The following RGSL1 variants were observed in gnomAD, a reference collection of about 807,000 sequenced individuals.
The protein encoded by RGSL1 is regulator of G protein signaling like 1, also known as regulator of G protein signaling protein-like.
Under a neutral mutation model 124.7 loss-of-function variants are expected in RGSL1, and 97 were observed. The ratio of observed to expected loss-of-function variants is 0.78; its 90% confidence interval spans 0.66 to 0.92. The LOEUF is 0.92. RGSL1 is among the 40% of genes least tolerant of loss of function. The pLI, the probability that RGSL1 is intolerant of heterozygous loss-of-function variation, is 0.00. For missense variants in RGSL1, 1,233 were observed against 1,288.4 expected (o/e 0.96, Z 0.66); for synonymous variants, 424 against 438.1 (o/e 0.97, Z 0.40).
Position 182,527,765 on chromosome 1 carries a change from C to G in RGSL1, c.2118C>G (p.Leu706=). The stretch of plus-strand genomic sequence containing the variant: ...TCAAGACTTTCTTCCAAGGCCAACT[C>G]TCTCCTGGTATGCATCCTCTTCTGA... ...NVIKTFFQGQ[L]SPEEMLQCDA... The change falls in exon 11 of 22, where the codon CTC becomes CTG. Residue 706 remains leucine, a synonymous_variant. Coordinates refer to ENST00000294854, the MANE Select transcript of RGSL1 (RefSeq NM_001137669.2). 6.5e-7 allele frequency: 1 copy of G among 1,549,540 alleles called. No individual in the cohort carries two copies. The highest frequency in any genetic ancestry group is 8.7e-7 in the Non-Finnish European group (1 of 1,145,630).
chr1:182,556,748 A>T (rs549326539), intron 21 of RGSL1, among the ~76,000 whole-genome samples: 1 of 152,306 alleles, frequency 6.6e-6, no homozygotes, highest in Admixed American at 6.5e-5. Flanking sequence ...GGATAAAAAA[A>T]CTTTAAGGTT....
At chr1:182,543,148 T>A (rs1659993495) in intron 15 of RGSL1, among the ~76,000 whole-genome samples, 1 of 152,168 alleles carries the variant, frequency 6.6e-6, no homozygotes, top group Non-Finnish European at 1.5e-5. Flanking sequence ...AGGAAAAACT[T>A]TCAATTTTTC....
chr1:182,523,708 A>G (rs1007749509), intron 10 of RGSL1, among the ~76,000 whole-genome samples: 1 of 152,184 alleles, frequency 6.6e-6, no homozygotes, highest in Admixed American at 6.5e-5. Context: ...CCCTTATTCA[A>G]TAAGTAAATG....
At chr1:182,503,445 C>T (rs554347413) in intron 9 of RGSL1, among the ~76,000 whole-genome samples, 1 of 152,176 alleles carries the variant, frequency 6.6e-6, no homozygotes, top group East Asian at 1.9e-4. Context: ...AACTGGAGGT[C>T]ATTATGTTAA....
rs1307164952 is a variant in RGSL1, at chr1:182,488,979, GAC to G, written c.1498_1499del (p.Gln500GlufsTer10). The G allele has an allele frequency of 6.5e-7, 1 of 1,549,478 alleles. No individual in the cohort carries two copies. The highest frequency in any genetic ancestry group is 1.2e-5 in the South Asian group (1 of 83,890). Reference protein sequence around the residue: ...EEDYWFLLFTTQNRFISSRQH... With the variant: ...EEDYWFLLFTXQNRFISSRQH... ...ATCTTCCCCTCACCCTCTTCTCTTA[GAC>G]ACAGAACAGGTTCATCAGCTCCAGA... is the stretch of plus-strand genomic sequence containing the variant. On this transcript the variant is annotated frameshift_variant and splice_region_variant, in exon 8 of 22. Transcript: ENST00000294854. LOFTEE classifies it high-confidence loss of function.
At position 182,522,007 on chromosome 1, in the gene RGSL1, T is replaced by C; in HGVS notation, c.1829T>C (p.Phe610Ser). 1 of 1,533,294 alleles carries C rather than the reference T, an allele frequency of 6.5e-7. No homozygotes were observed. The highest frequency in any genetic ancestry group is 8.8e-7 in the Non-Finnish European group (1 of 1,139,372). The allele number at this position is 1,533,294 out of a possible 1,614,324, so 95.0% of individuals were successfully genotyped here. Residue 610 changes from phenylalanine to serine, a missense_variant, in exon 10 of 22, where the codon TTT becomes TCT. By Grantham distance (155) the Phe-to-Ser change is radical. Transcript: ENST00000294854. ...IYCEKAPKID[F>S]KMEIIKETKT... ...AACTTAGTGATTTTTTTTTTAGATTTTAAAATGGAAATTATCAAGGAAACA... is the reference window on the plus strand; with the variant it reads ...AACTTAGTGATTTTTTTTTTAGATTCTAAAATGGAAATTATCAAGGAAACA...
In RGSL1 at chr1:182,527,752, T is replaced by C. The variant is rs1658860889; in HGVS notation, c.2105T>C (p.Phe702Ser). 1 of 1,550,502 alleles carries C rather than the reference T, an allele frequency of 6.4e-7. No individual in the cohort carries two copies. The highest frequency in any genetic ancestry group is 1.2e-5 in the South Asian group (1 of 83,918). ...ATAGAAAATGTAATCAAGACTTTCTTCCAAGGCCAACTCTCTCCTGGTATG... is the reference window on the plus strand; with the variant it reads ...ATAGAAAATGTAATCAAGACTTTCTCCCAAGGCCAACTCTCTCCTGGTATG... ...SLIENVIKTFFQGQLSPEEML... is the reference protein window; with the variant it reads ...SLIENVIKTFSQGQLSPEEML... The change falls in exon 11 of 22, where the codon TTC (phenylalanine) becomes TCC (serine). Residue 702 changes from phenylalanine to serine, a missense_variant. Physicochemically the swap from Phe to Ser is radical, Grantham distance 155. Coordinates refer to ENST00000294854, the MANE Select transcript of RGSL1 (RefSeq NM_001137669.2).
At chr1:182,550,402 G>T (rs1660485388) in intron 17 of RGSL1, 2 of 152,192 alleles carry the variant, frequency 1.3e-5, no homozygotes, top group Admixed American at 6.6e-5. Context: ...GAGGGGAGGA[G>T]GGCAGCAGGC....
At chr1:182,489,687 G>A (rs1271000270) in intron 8 of RGSL1, among the ~76,000 whole-genome samples, 4 of 152,228 alleles carry the variant, frequency 2.6e-5, no homozygotes, top group African/African-American at 7.2e-5. Context: ...AGGAGCAAAA[G>A]GCTTTGCTGT....
chr1:182,481,660 G>A (rs180727656), intron 6 of RGSL1, among the ~76,000 whole-genome samples: 3 of 152,250 alleles, frequency 2.0e-5, no homozygotes, highest in Non-Finnish European at 1.5e-5. Context: ...CAATATCCCT[G>A]AGGAAAACAG....
intron 17 of RGSL1, 133 bp from the exon 18 acceptor site, chr1:182,550,967 G>A: frequency 1.6e-6 from 1 of 642,738 alleles, no homozygotes; most frequent in Non-Finnish European, 2.8e-6. Flanking sequence ...CCCAAGGCCA[G>A]GATGCTTTCC....
At position 182,474,531 on chromosome 1, in the gene RGSL1, G is replaced by A. The variant is rs866264383; in HGVS notation, c.1420G>A (p.Glu474Lys). 1 of 1,542,806 alleles carries A rather than the reference G, an allele frequency of 6.5e-7. No homozygotes were observed. Among genetic ancestry groups the A allele is most frequent in the Non-Finnish European group, 8.8e-7 (1 of 1,141,058 alleles). Residue 474 changes from glutamate to lysine, a missense_variant, in exon 6 of 22, where the codon GAG (glutamate) becomes AAG (lysine). Physicochemically the swap from Glu to Lys is moderately conservative, Grantham distance 56. Transcript: ENST00000294854. Reference protein sequence around the residue: ...VIPWIPKAQKEICKMLSPWYD... With the variant: ...VIPWIPKAQKKICKMLSPWYD... ...CCCCTGGATTCCCAAAGCCCAGAAG[G>A]AGATTTGCAAGGTAGGCCATGCCTC...
At chr1:182,537,037 T>C (rs1311058766) in intron 14 of RGSL1, among the ~76,000 whole-genome samples, 1 of 152,232 alleles carries the variant, frequency 6.6e-6, no homozygotes, top group Non-Finnish European at 1.5e-5. Flanking sequence ...GAATTCTTTA[T>C]ATAATCTGGA....
chr1:182,515,704 C>G (rs960131255), intron 9 of RGSL1, among the ~76,000 whole-genome samples: 1 of 152,222 alleles, frequency 6.6e-6, no homozygotes, highest in African/African-American at 2.4e-5. Flanking sequence ...ACAGGAGGCA[C>G]TGGCCAGCTG....
intron 13 of RGSL1, among the ~76,000 whole-genome samples, chr1:182,531,492 C>T (rs1405702013): frequency 6.6e-6 from 1 of 152,142 alleles, no homozygotes; most frequent in Non-Finnish European, 1.5e-5. Flanking sequence ...TAGAGATTCA[C>T]TTGTTTTAGA....
chr1:182,521,921 A>G, intron 9 of RGSL1, 83 bp from the exon 10 acceptor site: 1 of 918,878 alleles, frequency 1.1e-6, no homozygotes, highest in Non-Finnish European at 1.7e-6. Flanking sequence ...CATGAACTTT[A>G]TGTCTGAAAA....
intron 1 of RGSL1, 143 bp from the exon 2 acceptor site, chr1:182,453,815 G>T: frequency 1.7e-6 from 1 of 596,894 alleles, no homozygotes. Context: ...AGAAGGACAT[G>T]CAAATTGAAT....
chr1:182,552,494 A>C (rs1427853953), intron 18 of RGSL1, among the ~76,000 whole-genome samples: 1 of 152,154 alleles, frequency 6.6e-6, no homozygotes, highest in Non-Finnish European at 1.5e-5. Flanking sequence ...TTTCAGGGGA[A>C]AGTTCTGAAA....
chr1:182,512,073 A>G (rs1657505850), intron 9 of RGSL1, among the ~76,000 whole-genome samples: 1 of 152,026 alleles, frequency 6.6e-6, no homozygotes, highest in South Asian at 2.1e-4. Flanking sequence ...ATTTTTGTAT[A>G]TTGATTTTGT....
Sources: allele counts gnomAD v4.1 joint callset (sites outside exome capture counted in the v4.1 genomes callset), GRCh38; gene constraint gnomAD v4.1.1; transcripts MANE v1.5; gene names NCBI Gene and HGNC (gene_info 2026-07-23, HGNC 2026-07-21).